TTC34: variants seen among roughly 807,000 people sequenced by gnomAD.
The protein encoded by TTC34 is tetratricopeptide repeat protein 34.
TTC34 carries 44 observed loss-of-function variants against 40.7 expected under a neutral mutation model. That is an observed-to-expected ratio of 1.08 (90% CI 0.85 to 1.39). The LOEUF (loss-of-function observed/expected upper bound fraction) is 1.39. Among genes scored for constraint, TTC34 ranks in the 40% most tolerant of loss-of-function variants. The pLI is 0.00. For missense variants in TTC34, 884 were observed against 838.0 expected, an observed-to-expected ratio of 1.05 and a Z score of -0.68; for synonymous variants, 422 against 398.6, an observed-to-expected ratio of 1.06 and a Z score of -0.70.
At chr1:2,752,773 C>G (rs1432944133) in intron 6 of TTC34, among the ~76,000 whole-genome samples, 4 of 120,320 alleles carry the variant, frequency 3.3e-5, no homozygotes, top group South Asian at 3.0e-4. Context: ...AGCACCCATA[C>G]GCCCAGATAA....
At chr1:2,655,936 C>T (rs1419549477) in intron 6 of TTC34, among the ~76,000 whole-genome samples, 3 of 152,056 alleles carry the variant, frequency 2.0e-5, no homozygotes, top group African/African-American at 7.3e-5. Context: ...CACCCACAGC[C>T]CAAGGTGAGC....
At chr1:2,767,874 A>G (rs1291520728) in intron 6 of TTC34, among the ~76,000 whole-genome samples, 10 of 148,176 alleles carry the variant, frequency 6.7e-5, no homozygotes, top group South Asian at 2.2e-4. Context: ...ACAGCCTGAA[A>G]CAGCACCCTC....
rs1641510747 is a variant in TTC34 at position 2,756,503 on chromosome 1, TG to T, written c.2226+27105del. Among the ~76,000 whole-genome samples the T allele has an allele frequency of 3.0e-4, 21 of 70,876 alleles. 1 individual carries two copies. The highest frequency in any genetic ancestry group is 7.9e-4 in the African/African-American group (11 of 14,002). 46.5% of individuals were successfully genotyped at this position (70,876 alleles called of 152,430 possible). A position where few individuals can be genotyped will look rare whatever the true frequency, so the allele number is the denominator to read the frequency against. ...TATCTGACAGCCTGGAACAGCATCC[TG>T]CACCCCAGGGTGAGGATCAGACAGC... On this transcript the variant is annotated intron_variant, in intron 6 of 8. Coordinates refer to ENST00000401095, the Ensembl canonical transcript of TTC34.
At chr1:2,684,523 G>A (rs1257487055) in intron 6 of TTC34, among the ~76,000 whole-genome samples, 10 of 148,070 alleles carry the variant, frequency 6.8e-5, no homozygotes, top group Non-Finnish European at 8.9e-5. Context: ...ACACCCCCAG[G>A]TGAGCATCCG....
At chr1:2,641,763 C>T (rs917164975) in exon 9 of TTC34, 18 of 1,535,176 alleles carry the variant, frequency 1.2e-5, no homozygotes, top group Admixed American at 9.8e-5. Context: ...TCCTGCAACT[C>T]GGCCAGGCAG....
At chr1:2,680,521 G>T (rs1570797294) in intron 6 of TTC34, among the ~76,000 whole-genome samples, 15 of 132,788 alleles carry the variant, frequency 1.1e-4, no homozygotes, top group African/African-American at 3.8e-4. Flanking sequence ...GCATCTGACA[G>T]CCTGGGTCGG....
intron 6 of TTC34, among the ~76,000 whole-genome samples, chr1:2,684,376 G>A (rs1452866547): frequency 6.7e-6 from 1 of 150,182 alleles, no homozygotes; most frequent in Non-Finnish European, 1.5e-5. Flanking sequence ...GCATCTGACA[G>A]CCTGGAACAG....
chr1:2,642,989 A>C (rs1638938626), intron 8 of TTC34, among the ~76,000 whole-genome samples: 1 of 152,258 alleles, frequency 6.6e-6, no homozygotes, highest in African/African-American at 2.4e-5. Context: ...CTCCGGGCGG[A>C]GGCACCTGAC....
At chr1:2,797,349 G>C (rs1643718371) in intron 2 of TTC34, among the ~76,000 whole-genome samples, 1 of 152,204 alleles carries the variant, frequency 6.6e-6, no homozygotes, top group African/African-American at 2.4e-5. Context: ...GCAGTGCCTT[G>C]CAGGACACTC....
chr1:2,685,206 T>C (rs1260836685), intron 6 of TTC34, among the ~76,000 whole-genome samples: 33 of 110,274 alleles, frequency 3.0e-4, no homozygotes, highest in East Asian at 6.4e-4. Flanking sequence ...CACCCCCAGG[T>C]GAGCATCTGA....
chr1:2,789,377 C>G (rs1643633510), intron 3 of TTC34, 126 bp downstream of exon 3: 2 of 958,262 alleles, frequency 2.1e-6, no homozygotes, highest in South Asian at 3.6e-5. Context: ...GCCTCGGGTG[C>G]TTTGGGAAGT....
chr1:2,674,599 C>A (rs1264330935), intron 6 of TTC34, among the ~76,000 whole-genome samples: 1 of 38,240 alleles, frequency 2.6e-5, no homozygotes, highest in South Asian at 7.1e-4. Context: ...GCACCCACAC[C>A]CCCAGGTGAG....
At chr1:2,685,883 C>T (rs796409370) in intron 6 of TTC34, among the ~76,000 whole-genome samples, 2 of 150,612 alleles carry the variant, frequency 1.3e-5, no homozygotes, top group Admixed American at 1.3e-4. Context: ...CCTGCACCCC[C>T]AGGTGAGCAT....
chr1:2,792,404 T>C (rs1643673480), intron 2 of TTC34, among the ~76,000 whole-genome samples: 1 of 152,194 alleles, frequency 6.6e-6, no homozygotes. Context: ...CTTTTTCTCC[T>C]TACTGTAGCT....
intron 6 of TTC34, among the ~76,000 whole-genome samples, chr1:2,699,168 C>T (rs1569650737): frequency 6.9e-6 from 1 of 145,226 alleles, no homozygotes; most frequent in African/African-American, 2.5e-5. Context: ...GCAGCACCCA[C>T]AGCCCAAGGT....
chr1:2,683,563 G>C (rs1322357115), intron 6 of TTC34, among the ~76,000 whole-genome samples: 1 of 143,142 alleles, frequency 7.0e-6, no homozygotes, highest in Non-Finnish European at 1.5e-5. Flanking sequence ...CCACAGGTGA[G>C]CATCCGACAG....
intron 6 of TTC34, among the ~76,000 whole-genome samples, chr1:2,749,681 G>A (rs1486365089): frequency 0.014 from 398 of 28,386 alleles, 1 homozygote; most frequent in South Asian, 0.028. Context: ...GCAGCAACCT[G>A]CACACCCAGG....
intron 6 of TTC34, among the ~76,000 whole-genome samples, chr1:2,692,489 G>A (rs1325906881): frequency 3.1e-5 from 4 of 127,532 alleles, no homozygotes; most frequent in Non-Finnish European, 5.2e-5. Context: ...TGACAGCCTG[G>A]AACAGCAGCC....
At chr1:2,787,676 T>A in exon 4 of TTC34, 1 of 1,547,862 alleles carries the variant, frequency 6.5e-7, no homozygotes. Context: ...CCATCAGCAG[T>A]GTGGCCAGCT....
Sources: gnomAD v4.1 joint callset for allele counts (sites outside exome capture counted in the v4.1 genomes callset) on GRCh38, gnomAD v4.1.1 for gene constraint, MANE v1.5 for transcripts, NCBI Gene and HGNC (gene_info 2026-07-23, HGNC 2026-07-21) for gene names.